The following PSME4 variants were observed in gnomAD, a reference collection of about 807,000 sequenced individuals.
The protein encoded by PSME4 is proteasome activator subunit 4.
Under a neutral mutation model 253.9 loss-of-function variants are expected in PSME4, and 89 were observed. The observed-to-expected ratio is 0.35, with a 90% CI of 0.30 to 0.42. The LOEUF (loss-of-function observed/expected upper bound fraction) is 0.42. Ranked by LOEUF, PSME4 falls within the 10% of genes least tolerant of loss-of-function variation. The pLI, the probability that PSME4 is intolerant of heterozygous loss-of-function variation, is 1.00. For missense variants in PSME4, 2,014 were observed against 2,195.2 expected (o/e 0.92, Z 1.65); for synonymous variants, 851 against 759.2 (o/e 1.12, Z -1.99).
intron 3 of PSME4, among the ~76,000 whole-genome samples, chr2:53,947,073 T>C (rs535800975): frequency 2.4e-4 from 36 of 152,328 alleles, no homozygotes; most frequent in Admixed American, 6.5e-4. Flanking sequence ...ACATGAAACT[T>C]TCAAGAAATA....
chr2:53,931,786 G>A, intron 10 of PSME4, 49 bp downstream of exon 10: 1 of 1,593,698 alleles, frequency 6.3e-7, no homozygotes, highest in Non-Finnish European at 8.6e-7. Context: ...GAGCTGAACA[G>A]ACCAAAAGAA....
intron 1 of PSME4, among the ~76,000 whole-genome samples, chr2:53,961,953 C>G (rs1670514160): frequency 6.6e-6 from 1 of 152,082 alleles, no homozygotes; most frequent in Non-Finnish European, 1.5e-5. Flanking sequence ...CAACTTAGAA[C>G]TTTTTAAAAG....
At chr2:53,966,187 G>C (rs1241608566) in intron 1 of PSME4, among the ~76,000 whole-genome samples, 1 of 152,134 alleles carries the variant, frequency 6.6e-6, no homozygotes, top group Admixed American at 6.5e-5. Context: ...TGGAGGCAGA[G>C]ACATGAGGGT....
rs56006630 is a variant in PSME4 at position 53,865,348 on chromosome 2, C to CAAAAAAAAAAAAAAAAAAAAAAAAAA, written c.*229_*230insTTTTTTTTTTTTTTTTTTTTTTTTTT. ...GACTTTGTGACTTTGTCAGATGCCT[C>CAAAAAAAAAAAAAAAAAAAAAAAAAA]AAAAAAAAAAAGTGATCAGTATTCT... On this transcript the variant is annotated 3_prime_UTR_variant, in exon 47 of 47. Transcript: ENST00000404125. The CAAAAAAAAAAAAAAAAAAAAAAAAAA allele has an allele frequency of 6.8e-6, 1 of 146,946 alleles. No homozygotes were observed. The highest frequency in any genetic ancestry group is 1.5e-5 in the Non-Finnish European group (1 of 66,404). 9.1% of individuals were successfully genotyped at this position (146,946 alleles called of 1,614,324 possible).
chr2:53,945,297 A>G (rs1233770773), intron 3 of PSME4, among the ~76,000 whole-genome samples: 1 of 152,210 alleles, frequency 6.6e-6, no homozygotes, highest in Non-Finnish European at 1.5e-5. Context: ...TAAGATTCAA[A>G]AGCTTCATTT....
intron 1 of PSME4, among the ~76,000 whole-genome samples, chr2:53,961,205 A>G (rs1357846938): frequency 6.6e-6 from 1 of 152,196 alleles, no homozygotes; most frequent in African/African-American, 2.4e-5. Context: ...GCTGCTTTTA[A>G]CATTCCAATA....
intron 1 of PSME4, among the ~76,000 whole-genome samples, chr2:53,969,099 TAGG>T (rs1670892261): frequency 6.6e-6 from 1 of 152,222 alleles, no homozygotes; most frequent in African/African-American, 2.4e-5. Flanking sequence ...CACAAAAACC[TAGG>T]AGTCTCACTT....
In PSME4 at chr2:53,908,847, T is replaced by A. The variant is rs764133352; in HGVS notation, c.2573-7A>T. 6.3e-7 allele frequency: 1 copy of A among 1,593,698 alleles called. No homozygotes were observed. Among genetic ancestry groups the A allele is most frequent in the East Asian group, 2.2e-5 (1 of 44,590 alleles). On this transcript the variant is annotated splice_region_variant and splice_polypyrimidine_tract_variant and intron_variant, in intron 21 of 46. Coordinates refer to ENST00000404125, the MANE Select transcript of PSME4 (RefSeq NM_014614.3). ...TGGTTCTCTCGAGACAGATCTATTTTGAAAAAATAAAAGAAGGTATTTTAG... is the reference window on the plus strand; with the variant it reads ...TGGTTCTCTCGAGACAGATCTATTTAGAAAAAATAAAAGAAGGTATTTTAG...
At chr2:53,915,073 G>A (rs1231083462) in intron 20 of PSME4, among the ~76,000 whole-genome samples, 1 of 152,100 alleles carries the variant, frequency 6.6e-6, no homozygotes, top group East Asian at 1.9e-4. Flanking sequence ...CCTGAACAAT[G>A]AGATTTTAAG....
chr2:53,946,193 A>G (rs886695763), intron 3 of PSME4, among the ~76,000 whole-genome samples: 15 of 152,234 alleles, frequency 9.9e-5, no homozygotes, highest in African/African-American at 3.4e-4. Context: ...GTGCCTTTGC[A>G]AAGGTAGACC....
At chr2:53,918,250 A>G (rs912611437) in intron 20 of PSME4, among the ~76,000 whole-genome samples, 1 of 152,176 alleles carries the variant, frequency 6.6e-6, no homozygotes, top group Non-Finnish European at 1.5e-5. Context: ...GCTTAGTAAC[A>G]AGATATTGAT....
intron 26 of PSME4, among the ~76,000 whole-genome samples, chr2:53,905,808 C>G (rs936206031): frequency 2.6e-5 from 4 of 152,058 alleles, no homozygotes; most frequent in Non-Finnish European, 5.9e-5. Flanking sequence ...CAGAGAGAGA[C>G]CTTGTCTCAA....
chr2:53,875,548 G>A, intron 42 of PSME4, 79 bp downstream of exon 42: 3 of 1,353,314 alleles, frequency 2.2e-6, no homozygotes, highest in Non-Finnish European at 3.0e-6. Context: ...GGCGCTGTGT[G>A]CACTGCAGCT....
intron 28 of PSME4, among the ~76,000 whole-genome samples, chr2:53,900,769 CA>C (rs913416340): frequency 6.6e-6 from 1 of 151,996 alleles, no homozygotes; most frequent in African/African-American, 2.4e-5. Flanking sequence ...GTTTTTAAAC[CA>C]GGGGAGAGAT....
chr2:53,899,873 T>C lies in PSME4; in HGVS notation c.3422+8A>G, dbSNP rs747957511. On this transcript the variant is annotated splice_region_variant and intron_variant, in intron 29 of 46. Transcript: ENST00000404125. ...GTCATCTATTGAAGTACACCATTCATCAATTACCTTAGGGCATCGGCATTC... is the reference window on the plus strand; with the variant it reads ...GTCATCTATTGAAGTACACCATTCACCAATTACCTTAGGGCATCGGCATTC... 1.9e-6 allele frequency: 3 copies of C among 1,612,114 alleles called. No individual in the cohort carries two copies. The highest frequency in any genetic ancestry group is 1.7e-4 in the Middle Eastern group (1 of 6,042).
intron 20 of PSME4, among the ~76,000 whole-genome samples, chr2:53,912,967 A>G (rs1039886764): frequency 2.0e-5 from 3 of 152,222 alleles, no homozygotes; most frequent in African/African-American, 4.8e-5. Context: ...TTACAGATCT[A>G]TATTCTGACT....
chr2:53,930,024 A>G (rs924285343), intron 10 of PSME4, among the ~76,000 whole-genome samples: 1 of 151,434 alleles, frequency 6.6e-6, no homozygotes, highest in African/African-American at 2.4e-5. Context: ...TCTCTAAATA[A>G]ATAAATAATA....
rs1668382646 is a variant in PSME4 at position 53,922,732 on chromosome 2, G to A, written c.1979-148C>T. ...ATTTCTTCTTCATGAAGCTGAGCTT[G>A]TTCCAAAAGGAGGTAGAAACAGAAT... On this transcript the variant is annotated intron_variant, in intron 16 of 46. Transcript: ENST00000404125. 2.8e-6 allele frequency: 3 copies of A among 1,065,886 alleles called. No homozygotes were observed. The African/African-American group carries it at 4.9e-5, about 17-fold the overall frequency. 66.0% of individuals were successfully genotyped at this position (1,065,886 alleles called of 1,614,324 possible). A position where few individuals can be genotyped will look rare whatever the true frequency, so the allele number is the denominator to read the frequency against.
In PSME4 at chr2:53,906,592, C is replaced by A. The variant is rs1270757653; in HGVS notation, c.2943+6G>T. ...CATGAGAGTGCAGCGTTTGGATAAG[C>A]CTTACCTGACTGTATGAACTTGTAG... On this transcript the variant is annotated splice_donor_region_variant and intron_variant, in intron 26 of 46. Coordinates refer to ENST00000404125, the MANE Select transcript of PSME4 (RefSeq NM_014614.3). The A allele has an allele frequency of 8.9e-6, 14 of 1,565,444 alleles. No homozygotes were observed. The highest frequency in any genetic ancestry group is 1.2e-5 in the Non-Finnish European group (14 of 1,159,224).
Sources: allele counts gnomAD v4.1 joint callset (sites outside exome capture counted in the v4.1 genomes callset), GRCh38; gene constraint gnomAD v4.1.1; transcripts MANE v1.5; gene names NCBI Gene and HGNC (gene_info 2026-07-23, HGNC 2026-07-21).